Variants in SLIT3 observed in about 807,000 individuals in gnomAD.
SLIT3 encodes slit guidance ligand 3, also known as slit homolog 3 protein.
SLIT3 carries 68 observed loss-of-function variants against 184.0 expected under a neutral mutation model. The ratio of observed to expected loss-of-function variants is 0.37; its 90% confidence interval spans 0.30 to 0.45. The LOEUF is 0.45. Ranked by LOEUF, SLIT3 falls within the 20% of genes least tolerant of loss-of-function variation. SLIT3 has a pLI of 1.00. For missense variants in SLIT3, 1,707 were observed against 2,026.0 expected, an observed-to-expected ratio of 0.84 and a Z score of 3.02; for synonymous variants, 831 against 828.6, an observed-to-expected ratio of 1.00 and a Z score of -0.05.
At chr5:169,019,608 A>G (rs1756520838) in intron 4 of SLIT3, among the ~76,000 whole-genome samples, 1 of 152,224 alleles carries the variant, frequency 6.6e-6, no homozygotes, top group Non-Finnish European at 1.5e-5. Context: ...CTTGGCAGCA[A>G]TTAGCAAATT....
chr5:169,187,689 G>C (rs1471707521), intron 4 of SLIT3, among the ~76,000 whole-genome samples: 1 of 151,700 alleles, frequency 6.6e-6, no homozygotes, highest in Non-Finnish European at 1.5e-5. Flanking sequence ...GAATAGCTGG[G>C]ATGACAGGCA....
intron 4 of SLIT3, among the ~76,000 whole-genome samples, chr5:168,994,460 A>G (rs889273767): frequency 2.0e-5 from 3 of 151,916 alleles, no homozygotes; most frequent in Admixed American, 1.3e-4. Flanking sequence ...TTATCTGTCC[A>G]TCTCAATCCC....
At chr5:169,010,332 G>A (rs888339897) in intron 4 of SLIT3, among the ~76,000 whole-genome samples, 3 of 152,080 alleles carry the variant, frequency 2.0e-5, no homozygotes, top group Admixed American at 2.0e-4. Context: ...TTATTTTAAT[G>A]TTGCCCAAGT....
At chr5:169,233,138 G>A (rs1395364392) in intron 3 of SLIT3, among the ~76,000 whole-genome samples, 3 of 152,096 alleles carry the variant, frequency 2.0e-5, no homozygotes, top group South Asian at 2.1e-4. Flanking sequence ...CGATTCTCCT[G>A]CCTCAGCCTC....
chr5:168,688,597 T>C (rs545115476), intron 29 of SLIT3, among the ~76,000 whole-genome samples: 2 of 152,360 alleles, frequency 1.3e-5, no homozygotes, highest in African/African-American at 4.8e-5. Flanking sequence ...AACTGAGGAC[T>C]TACTGGCCTA....
Position 168,735,162 on chromosome 5 carries a change from C to A in SLIT3, c.2271-10678G>T, listed in dbSNP as rs181994941. Among the ~76,000 whole-genome samples, 12 of 152,276 alleles carry A rather than the reference C, an allele frequency of 7.9e-5. No homozygotes were observed. In the East Asian group the frequency reaches 2.3e-3, roughly 29 times the overall value. On this transcript the variant is annotated intron_variant, in intron 20 of 35. Coordinates refer to ENST00000519560, the MANE Select transcript of SLIT3 (RefSeq NM_003062.4). Reference sequence around the variant, plus strand: ...CTGGCAGGTCACCCTTTGCATTTGGCCTGCATTTAAATGCTCTGTTTCAGC... The same window carrying A: ...CTGGCAGGTCACCCTTTGCATTTGGACTGCATTTAAATGCTCTGTTTCAGC...
chr5:168,851,041 G>A (rs1269781758), intron 5 of SLIT3, among the ~76,000 whole-genome samples: 1 of 152,156 alleles, frequency 6.6e-6, no homozygotes, highest in East Asian at 1.9e-4. Context: ...ATTAAAGATA[G>A]GGCCAGGTGC....
intron 4 of SLIT3, among the ~76,000 whole-genome samples, chr5:169,160,679 C>G (rs976971365): frequency 2.6e-4 from 39 of 152,158 alleles, no homozygotes; most frequent in African/African-American, 9.4e-4. Flanking sequence ...GTGATACAAC[C>G]CTATCCCTCC....
intron 4 of SLIT3, among the ~76,000 whole-genome samples, chr5:169,185,620 T>A (rs2668042): frequency 0.79 from 119,275 of 151,848 alleles, 47,151 homozygotes; most frequent in East Asian, 0.86. Flanking sequence ...AGGGACACAT[T>A]TTGCTTGTAG....
intron 4 of SLIT3, among the ~76,000 whole-genome samples, chr5:168,959,978 G>C (rs1448236308): frequency 6.6e-6 from 1 of 152,192 alleles, no homozygotes; most frequent in East Asian, 1.9e-4. Flanking sequence ...ACTTGCCCAA[G>C]GAGGCACAGC....
chr5:169,237,531 G>A (rs1765244877), intron 3 of SLIT3, among the ~76,000 whole-genome samples: 1 of 152,170 alleles, frequency 6.6e-6, no homozygotes, highest in Non-Finnish European at 1.5e-5. Flanking sequence ...TGTCAGCAAT[G>A]AATGAGAGTT....
At chr5:169,217,262 G>C in intron 3 of SLIT3, among the ~76,000 whole-genome samples, 1 of 151,928 alleles carries the variant, frequency 6.6e-6, no homozygotes, top group Admixed American at 6.6e-5. Flanking sequence ...GTGTAAACAA[G>C]GAATTCTTTC....
At chr5:169,000,287 A>G (rs1388343036) in intron 4 of SLIT3, among the ~76,000 whole-genome samples, 2 of 150,036 alleles carry the variant, frequency 1.3e-5, no homozygotes, top group Non-Finnish European at 1.5e-5. Flanking sequence ...AGCTACTCGA[A>G]AGGCTGAGGC....
At chr5:169,180,956 T>C (rs1050935135) in intron 4 of SLIT3, among the ~76,000 whole-genome samples, 2 of 152,166 alleles carry the variant, frequency 1.3e-5, no homozygotes, top group Admixed American at 6.5e-5. Flanking sequence ...GCCTGACCCA[T>C]GCACATCTCT....
At chr5:168,763,158 G>C (rs1228367642) in intron 14 of SLIT3, among the ~76,000 whole-genome samples, 1 of 152,098 alleles carries the variant, frequency 6.6e-6, no homozygotes, top group African/African-American at 2.4e-5. Context: ...GCTATGCCAG[G>C]GGTAGGGGTA....
chr5:168,974,479 G>T (rs1038568031), intron 4 of SLIT3, among the ~76,000 whole-genome samples: 6 of 152,150 alleles, frequency 3.9e-5, no homozygotes, highest in African/African-American at 1.4e-4. Flanking sequence ...GAGATTTAAG[G>T]GTGACTGAAG....
intron 6 of SLIT3, among the ~76,000 whole-genome samples, chr5:168,839,537 T>G (rs993106670): frequency 6.6e-6 from 1 of 152,174 alleles, no homozygotes; most frequent in Admixed American, 6.5e-5. Context: ...ATATCTCAAT[T>G]TTTAAATGTG....
intron 4 of SLIT3, among the ~76,000 whole-genome samples, chr5:168,920,502 C>G (rs1193501734): frequency 2.0e-5 from 3 of 152,166 alleles, no homozygotes; most frequent in East Asian, 1.9e-4. Flanking sequence ...TATTCACCAG[C>G]GAGACCATCA....
intron 1 of SLIT3, among the ~76,000 whole-genome samples, chr5:169,261,882 C>T (rs1056106999): frequency 2.0e-5 from 3 of 152,204 alleles, no homozygotes; most frequent in Non-Finnish European, 2.9e-5. Context: ...CTCTTGCTGG[C>T]TGTGATGAAG....
Sources: gnomAD v4.1 joint callset for allele counts (sites outside exome capture counted in the v4.1 genomes callset) on GRCh38, gnomAD v4.1.1 for gene constraint, MANE v1.5 for transcripts, NCBI Gene and HGNC (gene_info 2026-07-23, HGNC 2026-07-21) for gene names.